Variants in ZNF730 observed in about 807,000 individuals in gnomAD.
ZNF730 encodes putative zinc finger protein 730.
In ZNF730, 12 loss-of-function variants were observed where a neutral mutation model predicts 12.6. The ratio of observed to expected loss-of-function variants is 0.95; its 90% CI spans 0.61 to 1.54. ZNF730 has a LOEUF of 1.54. ZNF730 is among the 40% of genes most tolerant of loss of function. The pLI, the probability that ZNF730 is intolerant of heterozygous loss-of-function variation, is 0.00. For missense variants in ZNF730, 643 were observed against 583.5 expected (o/e 1.10, Z -1.05); for synonymous variants, 194 against 195.8 (o/e 0.99, Z 0.08).
At chr19:23,079,863 CTTTT>C (rs1326615067) in intron 1 of ZNF730, among the ~76,000 whole-genome samples, 1 of 151,978 alleles carries the variant, frequency 6.6e-6, no homozygotes, top group African/African-American at 2.4e-5. Context: ...TACAGTGTCT[CTTTT>C]TTTGACTATT....
rs527559956 is a variant in ZNF730 at position 23,117,188 on chromosome 19, G to A, written c.3+12G>A. 1.2e-6 allele frequency: 2 copies of A among 1,613,912 alleles called. No individual in the cohort carries two copies. Among genetic ancestry groups the A allele is most frequent in the South Asian group, 2.2e-5 (2 of 91,076 alleles). ...GAAGCCTAGAAATGGTGAGAGTGCC[G>A]GTCCGACATCCCGAGAGAGGGAACG... is the stretch of plus-strand genomic sequence containing the variant. On this transcript the variant is annotated intron_variant, in intron 1 of 3. Coordinates refer to ENST00000597761, the MANE Select transcript of ZNF730 (RefSeq NM_001277403.2).
chr19:23,077,358 T>C (rs1414423207), intron 1 of ZNF730, among the ~76,000 whole-genome samples: 1 of 148,686 alleles, frequency 6.7e-6, no homozygotes, highest in East Asian at 2.0e-4. Flanking sequence ...GGCCTCCCAA[T>C]GTGCTGGGAT....
At chr19:23,114,930 A>G (rs946556078), upstream of ZNF730, among the ~76,000 whole-genome samples, 6 of 152,108 alleles carry the variant, frequency 3.9e-5, no homozygotes, top group African/African-American at 1.4e-4. Context: ...GACTACAGGC[A>G]TGCAACATCA....
intron 1 of ZNF730, among the ~76,000 whole-genome samples, chr19:23,105,738 T>G (rs2145554854): frequency 6.6e-6 from 1 of 152,310 alleles, no homozygotes; most frequent in Admixed American, 6.5e-5. Context: ...ATGCAAACCT[T>G]TTTGTGGCTG....
At chr19:23,077,424 CTTTTTTTTTTTTTTTTT>C (rs71163442) in intron 1 of ZNF730, among the ~76,000 whole-genome samples, 4 of 45,566 alleles carry the variant, frequency 8.8e-5, no homozygotes, top group East Asian at 1.8e-3. Context: ...TCCCTAAGAG[CTTTTTTTTTTTTTTTTT>C]TTTTTTTTTT....
intron 3 of ZNF730, among the ~76,000 whole-genome samples, chr19:23,140,292 A>C (rs1970895809): frequency 6.6e-6 from 1 of 152,104 alleles, no homozygotes; most frequent in South Asian, 2.1e-4. Flanking sequence ...AAAATTTATA[A>C]TTTTGTATCT....
chr19:23,117,008 T>A, upstream of ZNF730: 1 of 1,104,676 alleles, frequency 9.1e-7, no homozygotes, highest in Non-Finnish European at 1.2e-6. Flanking sequence ...ACAGGGCGGC[T>A]TCCGGGATTT....
chr19:23,146,773 C>A lies in ZNF730; in HGVS notation c.*217C>A, dbSNP rs1452719724. ...TTCAACCAATCTTCACACCTTACTA[C>A]ACATAAGATAATTCATACTGGAGAG... On this transcript the variant is annotated 3_prime_UTR_variant, in exon 4 of 4. Transcript: ENST00000597761. 5 of 1,047,788 alleles carry A rather than the reference C, an allele frequency of 4.8e-6. No individual in the cohort carries two copies. In the East Asian group the frequency reaches 9.5e-5, roughly 20 times the overall value. 64.9% of individuals were successfully genotyped at this position (1,047,788 alleles called of 1,614,324 possible). A position where few individuals can be genotyped will look rare whatever the true frequency, so the allele number is the denominator to read the frequency against.
intron 1 of ZNF730, chr19:23,095,015 AG>A (rs1970225026): frequency 5.3e-6 from 1 of 189,252 alleles, no homozygotes; most frequent in South Asian, 2.0e-4. Context: ...TTTCCAGTTC[AG>A]ATGCATAATC....
chr19:23,086,689 C>T (rs1429800154), intron 1 of ZNF730, among the ~76,000 whole-genome samples: 1 of 152,000 alleles, frequency 6.6e-6, no homozygotes, highest in Non-Finnish European at 1.5e-5. Context: ...TTTCTGGAGC[C>T]CTGTAGTATA....
At position 23,142,948 on chromosome 19, in the gene ZNF730, A is replaced by T. The variant is rs1044948852; in HGVS notation, c.227-2323A>T. On this transcript the variant is annotated intron_variant, in intron 3 of 3. Transcript: ENST00000597761. ...CCTTGGGGATTACATAAAACCTCTTAAAAAAAACAAGAGTAGCCAGGCGTG... is the reference window on the plus strand; with the variant it reads ...CCTTGGGGATTACATAAAACCTCTTTAAAAAAACAAGAGTAGCCAGGCGTG... Among the ~76,000 whole-genome samples the T allele has an allele frequency of 7.9e-5, 12 of 151,618 alleles. No homozygotes were observed. In the South Asian group the frequency reaches 2.3e-3, roughly 29 times the overall value.
At chr19:23,118,369 T>G (rs1443969925) in intron 1 of ZNF730, among the ~76,000 whole-genome samples, 2 of 150,982 alleles carry the variant, frequency 1.3e-5, no homozygotes, top group Non-Finnish European at 2.9e-5. Context: ...GTTTTTTGTT[T>G]TTTTTTTTTG....
chr19:23,087,131 G>C (rs1004332509), intron 1 of ZNF730, among the ~76,000 whole-genome samples: 7 of 152,096 alleles, frequency 4.6e-5, no homozygotes, highest in Admixed American at 1.3e-4. Context: ...TTTTTGGCTG[G>C]GTGCAGTGGC....
intron 1 of ZNF730, chr19:23,098,420 T>C (rs1192976060): frequency 6.6e-6 from 1 of 152,220 alleles, no homozygotes; most frequent in Non-Finnish European, 1.5e-5. Context: ...TTAGGTAATG[T>C]GACTTTTCTG....
rs115557355 is a variant in ZNF730 at position 23,109,098 on chromosome 19, T to G, written c.-93-24982T>G. ...CCTCTAACTTTTGGATGCTATAGAGTGCCAATGCAGCATATAAAAGAATAA... is the reference window on the plus strand; with the variant it reads ...CCTCTAACTTTTGGATGCTATAGAGGGCCAATGCAGCATATAAAAGAATAA... On this transcript the variant is annotated intron_variant, in intron 1 of 2. Coordinates refer to the ZNF730 transcript ENST00000593635. Among the ~76,000 whole-genome samples the G allele has an allele frequency of 2.2e-3, 337 of 151,444 alleles. 1 individual carries two copies. The highest frequency in any genetic ancestry group is 7.8e-3 in the African/African-American group (322 of 41,490).
intron 1 of ZNF730, among the ~76,000 whole-genome samples, chr19:23,087,071 G>A (rs554342267): frequency 6.6e-6 from 1 of 152,164 alleles, no homozygotes; most frequent in East Asian, 1.9e-4. Flanking sequence ...GAGTTTGTTC[G>A]TGATTTGGCT....
At chr19:23,102,051 C>T (rs146242892) in intron 1 of ZNF730, among the ~76,000 whole-genome samples, 112 of 152,300 alleles carry the variant, frequency 7.4e-4, no homozygotes, top group African/African-American at 2.6e-3. Flanking sequence ...ATAGAGGCTC[C>T]TCCCTGGGCC....
intron 1 of ZNF730, among the ~76,000 whole-genome samples, chr19:23,093,490 G>A (rs1970192918): frequency 6.6e-6 from 1 of 152,202 alleles, no homozygotes; most frequent in Admixed American, 6.5e-5. Context: ...GGGTTAGGGG[G>A]TACCCCTGCT....
At chr19:23,113,798 G>A (rs780749542), upstream of ZNF730, among the ~76,000 whole-genome samples, 26 of 152,166 alleles carry the variant, frequency 1.7e-4, 1 homozygote, top group Admixed American at 6.5e-5. Context: ...AGTGGAATCT[G>A]AGACTAAGTA....
Sources: allele counts gnomAD v4.1 joint callset (sites outside exome capture counted in the v4.1 genomes callset), GRCh38; gene constraint gnomAD v4.1.1; transcripts MANE v1.5; gene names NCBI Gene and HGNC (gene_info 2026-07-23, HGNC 2026-07-21).